SLC25A25: variants seen among roughly 807,000 people sequenced by gnomAD.
SLC25A25 encodes solute carrier family 25 member 25.
In SLC25A25, 32 loss-of-function variants were observed where a neutral mutation model predicts 57.7. That is an observed-to-expected ratio of 0.55 (90% CI 0.42 to 0.74). The LOEUF (loss-of-function observed/expected upper bound fraction) is 0.74, where lower values mean the gene tolerates loss of function less well. Ranked by LOEUF, SLC25A25 falls within the 30% of genes least tolerant of loss-of-function variation. The pLI, the probability that SLC25A25 is intolerant of heterozygous loss-of-function variation, is 0.00. For synonymous variants in SLC25A25, 306 were observed against 291.2 expected (o/e 1.05, Z -0.52); for missense variants, 556 against 701.3 (o/e 0.79, Z 2.34).
chr9:128,099,126 G>GT lies in SLC25A25; in HGVS notation c.262-1969dup. On this transcript the variant is annotated intron_variant, in intron 1 of 10. Coordinates refer to ENST00000373069, the MANE Select transcript of SLC25A25 (RefSeq NM_001330988.2). The surrounding 1 kb of genome is among the most constrained non-coding windows in gnomAD (Gnocchi z 6.8). ...GGAGCTGCCCGTCCCTGGTGTGGGG[G>GT]TGAGGGAGCCTCCCGCCTTCTCGAC... 1 of 1,211,082 alleles carries GT rather than the reference G, an allele frequency of 8.3e-7. No homozygotes were observed. Among genetic ancestry groups the GT allele is most frequent in the Non-Finnish European group, 1.0e-6 (1 of 953,156 alleles). The allele number at this position is 1,211,082 out of a possible 1,614,324, so 75.0% of individuals were successfully genotyped here. A position where few individuals can be genotyped will look rare whatever the true frequency, so the allele number is the denominator to read the frequency against.
intron 1 of SLC25A25, chr9:128,098,724 A>G (rs745709560): frequency 6.2e-7 from 1 of 1,613,996 alleles, no homozygotes; most frequent in Non-Finnish European, 8.5e-7. Flanking sequence ...CAGTGGAAGC[A>G]GGTCTGTGGG....
chr9:128,106,572 C>T, intron 9 of SLC25A25, 52 bp downstream of exon 9: 3 of 1,523,362 alleles, frequency 2.0e-6, no homozygotes, highest in Non-Finnish European at 2.6e-6. Context: ...ACACCTCCAC[C>T]TGCTGTCTCC....
Position 128,107,374 on chromosome 9 carries a change from T to C in SLC25A25, c.1478T>C (p.Ile493Thr), listed in dbSNP as rs1431611562. The C allele has an allele frequency of 2.0e-6, 3 of 1,513,894 alleles. No homozygotes were observed. The highest frequency in any genetic ancestry group is 2.2e-5 in the Admixed American group (1 of 44,852). 93.8% of individuals were successfully genotyped at this position (1,513,894 alleles called of 1,614,324 possible). ...RGLAPNFMKV[I>T]PAVSISYVVY... ...CTGGCCCCCAACTTCATGAAGGTCA[T>C]CCCAGCTGTGAGCATCAGCTACGTG... The change falls in exon 11 of 11, where the codon ATC becomes ACC. Residue 493 changes from isoleucine to threonine, a missense_variant. This residue lies in a region of SLC25A25 where 294 missense variants were observed against 389.6 expected (regional missense o/e 0.75). Transcript: ENST00000373069.
intron 1 of SLC25A25, among the ~76,000 whole-genome samples, chr9:128,090,537 G>A (rs1254463602): frequency 6.6e-6 from 1 of 151,950 alleles, no homozygotes; most frequent in Admixed American, 6.6e-5. Context: ...GGGGCCATGC[G>A]CGGTGGCTCG....
chr9:128,069,665 G>T (rs897702197), intron 1 of SLC25A25, among the ~76,000 whole-genome samples: 2 of 152,162 alleles, frequency 1.3e-5, no homozygotes, highest in East Asian at 3.8e-4. Context: ...GGTATTTAGC[G>T]CTAACTATTA....
At chr9:128,079,506 C>T (rs575099235) in intron 1 of SLC25A25, among the ~76,000 whole-genome samples, 2 of 150,932 alleles carry the variant, frequency 1.3e-5, no homozygotes, top group South Asian at 4.2e-4. Flanking sequence ...CGCCTGTAAT[C>T]CCAGCACTTT....
At chr9:128,091,422 A>G in intron 1 of SLC25A25, 1 of 985,382 alleles carries the variant, frequency 1.0e-6, no homozygotes, top group Non-Finnish European at 1.2e-6. Flanking sequence ...TGCTGCAGTG[A>G]GAATGCAGAC....
At position 128,102,269 on chromosome 9, in the gene SLC25A25, C is replaced by T; in HGVS notation, c.513-101C>T. ...GGGGCAGAGGCACCTCGTGTGGTTT[C>T]TGGGCATCCGAATGCCTGCCCTTGG... On this transcript the variant is annotated intron_variant, in intron 4 of 10. Coordinates refer to ENST00000373069, the MANE Select transcript of SLC25A25 (RefSeq NM_001330988.2). The surrounding 1 kb of genome is among the most constrained non-coding windows in gnomAD (Gnocchi z 4.1). The T allele has an allele frequency of 1.4e-6, 2 of 1,416,630 alleles. No individual in the cohort carries two copies. Among genetic ancestry groups the T allele is most frequent in the South Asian group, 2.4e-5 (2 of 82,478 alleles). The allele number at this position is 1,416,630 out of a possible 1,614,324, so 87.8% of individuals were successfully genotyped here.
At chr9:128,100,195 GAGGGGGGTA>G in intron 1 of SLC25A25, among the ~76,000 whole-genome samples, 1 of 148,626 alleles carries the variant, frequency 6.7e-6, no homozygotes, top group South Asian at 2.2e-4. Context: ...AGCTGTTTGC[GAGGGGGGTA>G]AGTGGGTTGC....
In SLC25A25 at chr9:128,108,561, A is replaced by G. The variant is rs1834144154; in HGVS notation, c.*1117A>G. ...AGAGTTATGTCCTAACTATTTTTAT[A>G]GATTTGTTTAATTAATAGCTTGTCA... On this transcript the variant is annotated 3_prime_UTR_variant, in exon 11 of 11. Coordinates refer to ENST00000373069, the MANE Select transcript of SLC25A25 (RefSeq NM_001330988.2). 3.8e-6 allele frequency: 1 copy of G among 261,958 alleles called. No individual in the cohort carries two copies. Among genetic ancestry groups the G allele is most frequent in the Non-Finnish European group, 7.1e-6 (1 of 140,280 alleles). 16.2% of individuals were successfully genotyped at this position (261,958 alleles called of 1,614,324 possible). A position where few individuals can be genotyped will look rare whatever the true frequency, so the allele number is the denominator to read the frequency against.
intron 1 of SLC25A25, among the ~76,000 whole-genome samples, chr9:128,084,556 G>C (rs1833233896): frequency 6.6e-6 from 1 of 151,910 alleles, no homozygotes; most frequent in South Asian, 2.1e-4. Flanking sequence ...CTATGATCTG[G>C]AAGCCCCCGC....
chr9:128,070,394 G>A (rs1209729054), intron 1 of SLC25A25, among the ~76,000 whole-genome samples: 3 of 151,120 alleles, frequency 2.0e-5, no homozygotes, highest in Admixed American at 6.6e-5. Context: ...CACCGCGCCC[G>A]GCCACCCAGC....
rs965647432 is a variant in SLC25A25, at chr9:128,095,656, A to T, written c.262-5440A>T. Reference sequence around the variant, plus strand: ...GCAGCAAATAAGTTAGAACCCTTTTAAAAATTAGCTGGGTGTGCTCGTGGG... The same window carrying T: ...GCAGCAAATAAGTTAGAACCCTTTTTAAAATTAGCTGGGTGTGCTCGTGGG... On this transcript the variant is annotated intron_variant, in intron 1 of 10. Transcript: ENST00000373069. This position sits in a 1 kb window ranked among gnomAD's most constrained non-coding sequence, Gnocchi z 4.4. Among the ~76,000 whole-genome samples the T allele has an allele frequency of 2.6e-5, 4 of 152,184 alleles. No homozygotes were observed. In the East Asian group the frequency reaches 5.8e-4, roughly 22 times the overall value.
At chr9:128,076,207 C>T (rs1833007501) in intron 1 of SLC25A25, among the ~76,000 whole-genome samples, 1 of 152,180 alleles carries the variant, frequency 6.6e-6, no homozygotes, top group South Asian at 2.1e-4. Flanking sequence ...TCACAGCTCA[C>T]CGCAGCTTTG....
At chr9:128,080,311 C>T (rs1243929030) in intron 1 of SLC25A25, among the ~76,000 whole-genome samples, 2 of 145,818 alleles carry the variant, frequency 1.4e-5, no homozygotes, top group Admixed American at 6.9e-5. Context: ...GATCGTGCCA[C>T]TGCACTTCTG....
chr9:128,096,998 ATC>A lies in SLC25A25; in HGVS notation c.262-4094_262-4093del, dbSNP rs1217091165. On this transcript the variant is annotated intron_variant, in intron 1 of 10. Coordinates refer to ENST00000373069, the MANE Select transcript of SLC25A25 (RefSeq NM_001330988.2). ...CCCAAATGTCATATCACTTGTCATAATCTCTGTTTCATAATGTTGTGTGTAAG... is the reference window on the plus strand; with the variant it reads ...CCCAAATGTCATATCACTTGTCATAATCTGTTTCATAATGTTGTGTGTAAG... Among the ~76,000 whole-genome samples the A allele has an allele frequency of 2.0e-5, 3 of 152,230 alleles. No homozygotes were observed. In the East Asian group the frequency reaches 5.8e-4, roughly 29 times the overall value.
At chr9:128,093,494 C>G (rs1163435565) in intron 1 of SLC25A25, among the ~76,000 whole-genome samples, 3 of 152,342 alleles carry the variant, frequency 2.0e-5, no homozygotes, top group Admixed American at 2.0e-4. Flanking sequence ...CAGGGACTGC[C>G]TAGGATAGGA....
intron 1 of SLC25A25, among the ~76,000 whole-genome samples, chr9:128,085,689 C>T (rs1372931049): frequency 2.0e-5 from 3 of 151,814 alleles, no homozygotes; most frequent in Non-Finnish European, 4.4e-5. Context: ...TGAGACCTTT[C>T]CTTTCTAATA....
At chr9:128,069,938 G>C (rs896723981) in intron 1 of SLC25A25, among the ~76,000 whole-genome samples, 1 of 23,434 alleles carries the variant, frequency 4.3e-5, no homozygotes, top group East Asian at 1.6e-3. Context: ...TTTTTTTTTT[G>C]AGAGAGTCTC....
Sources: allele counts gnomAD v4.1 joint callset (sites outside exome capture counted in the v4.1 genomes callset), GRCh38; gene constraint gnomAD v4.1.1; regional missense constraint gnomAD v4.1.1; non-coding constraint Gnocchi (gnomAD v3.1); transcripts MANE v1.5; gene names NCBI Gene and HGNC (gene_info 2026-07-23, HGNC 2026-07-21).